CABIN1: variants seen among roughly 807,000 people sequenced by gnomAD.
CABIN1 encodes the protein calcineurin-binding protein cabin-1.
Under a neutral mutation model 227.7 loss-of-function variants are expected in CABIN1, and 133 were observed. The observed-to-expected ratio is 0.58, with a 90% CI of 0.51 to 0.67. The LOEUF is 0.67. Among genes scored for constraint, CABIN1 ranks in the 30% least tolerant of loss-of-function variants. The pLI is 0.00. For missense variants in CABIN1, 2,408 were observed against 2,852.5 expected (o/e 0.84, Z 3.55); for synonymous variants, 1,086 against 1,155.1 (o/e 0.94, Z 1.21).
In CABIN1 at chr22:24,018,458, A is replaced by G. The variant is rs35109374; in HGVS notation, c.-75+7091A>G. ...TAGTTGTATGGTTTCATTTTTTATC[A>G]TTTAGATTTCTAATTCATTTGCAAG... On this transcript the variant is annotated intron_variant, in intron 1 of 36. Coordinates refer to ENST00000263119, the MANE Select transcript of CABIN1 (RefSeq NM_012295.4). Among the ~76,000 whole-genome samples, 664 of 152,240 alleles carry G rather than the reference A, an allele frequency of 4.4e-3. 6 individuals are homozygous for G. The highest frequency in any genetic ancestry group is 6.8e-3 in the Middle Eastern group (2 of 294).
At chr22:24,098,316 G>A in intron 26 of CABIN1, 124 bp downstream of exon 26, 1 of 1,561,556 alleles carries the variant, frequency 6.4e-7, no homozygotes, top group Middle Eastern at 2.3e-4. Flanking sequence ...GGTGACACGG[G>A]CAATGTTGCG....
At chr22:24,152,912 T>G (rs2045573057) in intron 29 of CABIN1, among the ~76,000 whole-genome samples, 1 of 148,954 alleles carries the variant, frequency 6.7e-6, no homozygotes, top group Non-Finnish European at 1.5e-5. Context: ...ATTGCACCAC[T>G]GCACTCCAGC....
chr22:24,133,024 G>A (rs1463080503), intron 28 of CABIN1, among the ~76,000 whole-genome samples: 6 of 152,202 alleles, frequency 3.9e-5, no homozygotes, highest in Admixed American at 3.9e-4. Context: ...TTGGGAGCCT[G>A]CCTCCAGGGT....
intron 20 of CABIN1, 60 bp downstream of exon 20, chr22:24,083,449 G>C: frequency 6.3e-7 from 1 of 1,586,578 alleles, no homozygotes; most frequent in Non-Finnish European, 8.6e-7. Context: ...CTCTTTTGAA[G>C]GATGTCATAT....
chr22:24,083,845 A>G (rs1196023862), intron 20 of CABIN1, among the ~76,000 whole-genome samples: 1 of 152,218 alleles, frequency 6.6e-6, no homozygotes, highest in Non-Finnish European at 1.5e-5. Context: ...TCTATTTTGG[A>G]TATGAATAAT....
Position 24,113,709 on chromosome 22 carries a change from G to GCGA in CABIN1, c.4264_4266dup (p.Thr1422dup). 2 of 1,614,006 alleles carry GCGA rather than the reference G, an allele frequency of 1.2e-6. No homozygotes were observed. The highest frequency in any genetic ancestry group is 1.7e-6 in the Non-Finnish European group (2 of 1,180,040). ...GCCCATTCTCAGTTCCCAAGCAGGA[G>GCGA]CGACGGGTAAAGATCTTCAGGGGGC... On this transcript the variant is annotated inframe_insertion, in exon 27 of 37. Transcript: ENST00000263119.
Position 24,071,137 on chromosome 22 carries a change from T to C in CABIN1, c.2475+95T>C, listed in dbSNP as rs1343274532. The C allele has an allele frequency of 2.6e-6, 4 of 1,545,252 alleles. No homozygotes were observed. The East Asian group carries it at 9.1e-5, about 35-fold the overall frequency. ...GTAGTTCATAGCTTTCATTGCTAAT[T>C]AGGCACCCAAAGGGGACATGATGGC... On this transcript the variant is annotated intron_variant, in intron 17 of 36. Transcript: ENST00000263119.
chr22:24,074,268 G>A (rs1024601806), intron 18 of CABIN1, among the ~76,000 whole-genome samples: 8 of 151,874 alleles, frequency 5.3e-5, no homozygotes, highest in Non-Finnish European at 7.4e-5. Flanking sequence ...AAGTAAATGC[G>A]GATAGAGGAA....
intron 32 of CABIN1, among the ~76,000 whole-genome samples, chr22:24,168,182 G>A (rs2046565660): frequency 6.6e-6 from 1 of 152,244 alleles, no homozygotes; most frequent in African/African-American, 2.4e-5. Flanking sequence ...AGTACCTGGT[G>A]GTGTGGCACC....
intron 1 of CABIN1, among the ~76,000 whole-genome samples, chr22:24,021,985 A>C (rs1397862617): frequency 6.6e-6 from 1 of 152,176 alleles, no homozygotes; most frequent in Non-Finnish European, 1.5e-5. Flanking sequence ...GTGCCCGGCC[A>C]GCATATTCTT....
chr22:24,094,026 T>C (rs1365079377), intron 24 of CABIN1, among the ~76,000 whole-genome samples: 1 of 152,236 alleles, frequency 6.6e-6, no homozygotes, highest in Non-Finnish European at 1.5e-5. Context: ...CGTCCTTCCC[T>C]GTCATAGTGC....
In CABIN1 at chr22:24,136,524, ATTT is replaced by A. The variant is rs145864566; in HGVS notation, c.4746+2131_4746+2133del. 1.4e-3 allele frequency among the ~76,000 whole-genome samples: 96 copies of A among 69,878 alleles called. 1 individual carries two copies. Among genetic ancestry groups the A allele is most frequent in the African/African-American group, 4.2e-3 (70 of 16,482 alleles). The allele number at this position is 69,878 out of a possible 152,430, so 45.8% of individuals were successfully genotyped here. ...ACTGCCACGCCCAGCTAATTTTTGT[ATTT>A]TTTTTTTTTTTTTTTTTTTTTAGAG... On this transcript the variant is annotated intron_variant, in intron 29 of 36. Coordinates refer to ENST00000263119, the MANE Select transcript of CABIN1 (RefSeq NM_012295.4).
chr22:24,087,507 C>G lies in CABIN1; in HGVS notation c.3319C>G (p.Leu1107Val). Residue 1107 changes from leucine to valine, a missense_variant, in exon 23 of 37, where the codon CTG (leucine) becomes GTG (valine). Leu to Val is a conservative substitution (Grantham distance 32). Coordinates refer to ENST00000263119, the MANE Select transcript of CABIN1 (RefSeq NM_012295.4). ...LARASRIQDK[L>V]NSNELKSDGP... ...CCGGGCCAGCCGCATTCAGGACAAG[C>G]TGAACTCCAATGAGCTGAAGAGTGA... The G allele has an allele frequency of 6.2e-7, 1 of 1,614,194 alleles. No individual in the cohort carries two copies. The highest frequency in any genetic ancestry group is 8.5e-7 in the Non-Finnish European group (1 of 1,180,032).
chr22:24,165,997 C>T (rs1280412753), intron 31 of CABIN1, among the ~76,000 whole-genome samples: 1 of 152,200 alleles, frequency 6.6e-6, no homozygotes, highest in African/African-American at 2.4e-5. Context: ...GAGGCAGGTG[C>T]AGCAGTACCT....
intron 29 of CABIN1, chr22:24,156,123 G>T (rs2045784652): frequency 2.5e-6 from 1 of 402,192 alleles, no homozygotes; most frequent in East Asian, 3.6e-5. Context: ...CCGGGACTGG[G>T]GCCGGGGCTG....
chr22:24,141,597 C>T (rs1335298220), intron 29 of CABIN1, among the ~76,000 whole-genome samples: 1 of 152,064 alleles, frequency 6.6e-6, no homozygotes, highest in Non-Finnish European at 1.5e-5. Flanking sequence ...CCTTGCCCCA[C>T]CCCCTCCCAG....
intron 29 of CABIN1, among the ~76,000 whole-genome samples, chr22:24,147,265 G>GTCCCTGCC (rs1176255469): frequency 1.1e-4 from 3 of 28,010 alleles, no homozygotes; most frequent in African/African-American, 3.0e-4. Flanking sequence ...CCCTCCCTCC[G>GTCCCTGCC]TCCCTGCCTC....
At chr22:24,035,393 C>T in intron 1 of CABIN1, 51 bp from the exon 2 acceptor site, 1 of 1,317,824 alleles carries the variant, frequency 7.6e-7, no homozygotes, top group Admixed American at 1.7e-5. Flanking sequence ...GCACTGTGAC[C>T]TTCCTGGCTC....
At chr22:24,011,768 T>G (rs1287694896) in intron 1 of CABIN1, 1 of 152,248 alleles carries the variant, frequency 6.6e-6, no homozygotes, top group African/African-American at 2.4e-5. Context: ...GGGTGGAAAC[T>G]GAGGCCGCGG....
Sources: gnomAD v4.1 joint callset for allele counts (sites outside exome capture counted in the v4.1 genomes callset) on GRCh38, gnomAD v4.1.1 for gene constraint, MANE v1.5 for transcripts, NCBI Gene and HGNC (gene_info 2026-07-23, HGNC 2026-07-21) for gene names.